The following PLCB1 variants were observed in gnomAD, a reference collection of about 807,000 sequenced individuals.
PLCB1 encodes the protein 1-phosphatidylinositol 4,5-bisphosphate phosphodiesterase beta-1.
A neutral mutation model predicts 161.8 loss-of-function variants in PLCB1; 46 were observed. That is an observed-to-expected ratio of 0.28 (90% confidence interval 0.22 to 0.36). The LOEUF is 0.36. PLCB1 is among the 10% of genes least tolerant of loss of function. The pLI is 1.00. For missense variants in PLCB1, 1,016 were observed against 1,472.5 expected (o/e 0.69, Z 5.07); for synonymous variants, 517 against 503.7 (o/e 1.03, Z -0.35).
chr20:8,756,563 T>C (rs1981746710), intron 23 of PLCB1, among the ~76,000 whole-genome samples: 1 of 152,182 alleles, frequency 6.6e-6, no homozygotes, highest in South Asian at 2.1e-4. Context: ...CCGGGTTCAC[T>C]CAAGTGTATG....
chr20:8,280,714 T>C (rs1484701915), intron 2 of PLCB1, among the ~76,000 whole-genome samples: 1 of 152,204 alleles, frequency 6.6e-6, no homozygotes. Context: ...TTTTTTGACA[T>C]AGGTTATTAA....
chr20:8,546,980 C>A (rs1253770788), intron 3 of PLCB1, among the ~76,000 whole-genome samples: 1 of 152,126 alleles, frequency 6.6e-6, no homozygotes, highest in African/African-American at 2.4e-5. Flanking sequence ...TTTATAATTG[C>A]GCCTCTTAAT....
intron 18 of PLCB1, 73 bp from the exon 19 acceptor site, chr20:8,733,165 T>C: frequency 6.7e-7 from 1 of 1,481,608 alleles, no homozygotes; most frequent in Non-Finnish European, 9.4e-7. Flanking sequence ...GGGATCAACT[T>C]TACTTTACAA....
chr20:8,263,717 G>A (rs189900338), intron 2 of PLCB1, among the ~76,000 whole-genome samples: 1 of 152,104 alleles, frequency 6.6e-6, no homozygotes, highest in South Asian at 2.1e-4. Flanking sequence ...AAGTATTCAT[G>A]TATCTAAATG....
intron 2 of PLCB1, among the ~76,000 whole-genome samples, chr20:8,171,183 A>G (rs2051729224): frequency 1.3e-5 from 2 of 152,188 alleles, no homozygotes. Context: ...AACAAGAAAG[A>G]GTATGCTACT....
chr20:8,653,725 G>A (rs540227310), intron 7 of PLCB1, among the ~76,000 whole-genome samples: 30 of 151,686 alleles, frequency 2.0e-4, no homozygotes, highest in Admixed American at 5.9e-4. Context: ...AATATATAAC[G>A]AAGAAAATGC....
intron 3 of PLCB1, among the ~76,000 whole-genome samples, chr20:8,508,941 A>G (rs1488268135): frequency 6.6e-6 from 1 of 152,198 alleles, no homozygotes; most frequent in Non-Finnish European, 1.5e-5. Flanking sequence ...AAACAATGAC[A>G]GCAAACACAA....
chr20:8,630,025 T>G (rs942801588), intron 4 of PLCB1, among the ~76,000 whole-genome samples: 1 of 147,418 alleles, frequency 6.8e-6, no homozygotes. Flanking sequence ...TCTTCTTTCC[T>G]TTCTTTCCTC....
At position 8,671,944 on chromosome 20, in the gene PLCB1, C is replaced by T. The variant is rs139902551; in HGVS notation, c.863-12988C>T. Among the ~76,000 whole-genome samples the T allele has an allele frequency of 5.9e-5, 9 of 152,320 alleles. No individual in the cohort carries two copies. The East Asian group carries it at 1.5e-3, about 26-fold the overall frequency. On this transcript the variant is annotated intron_variant, in intron 9 of 31. Coordinates refer to ENST00000338037, the MANE Select transcript of PLCB1 (RefSeq NM_015192.4). The stretch of plus-strand genomic sequence containing the variant: ...AACTGAAAATGGTAATTTAAAAGTA[C>T]GTCTCTCATAGGATTTCTATGCCTG...
At chr20:8,585,773 C>A (rs540564119) in intron 3 of PLCB1, among the ~76,000 whole-genome samples, 1 of 152,278 alleles carries the variant, frequency 6.6e-6, no homozygotes, top group South Asian at 2.1e-4. Context: ...CTGCTCCTTG[C>A]CAGCTCCAAG....
chr20:8,600,097 G>A (rs1269405766), intron 3 of PLCB1, among the ~76,000 whole-genome samples: 116 of 106,812 alleles, frequency 1.1e-3, no homozygotes, highest in African/African-American at 1.8e-3. Context: ...TCTTCTCTCA[G>A]CTCGTCAAAG....
At chr20:8,181,250 A>C (rs2051840837) in intron 2 of PLCB1, among the ~76,000 whole-genome samples, 4 of 63,942 alleles carry the variant, frequency 6.3e-5, no homozygotes, top group Non-Finnish European at 9.3e-5. Flanking sequence ...CTCTGTCTCA[A>C]AAAAAAAAAA....
rs114037483 is a variant in PLCB1 at position 8,407,722 on chromosome 20, T to C, written c.246+36272T>C. ...GGGACACAGCCAAACCAAATCACACTCCCTCAGCCGGTGATCAGGTCAACA... is the reference window on the plus strand; with the variant it reads ...GGGACACAGCCAAACCAAATCACACCCCCTCAGCCGGTGATCAGGTCAACA... On this transcript the variant is annotated intron_variant, in intron 3 of 31. Coordinates refer to ENST00000338037, the MANE Select transcript of PLCB1 (RefSeq NM_015192.4). Among the ~76,000 whole-genome samples the C allele has an allele frequency of 7.4e-3, 1,121 of 152,128 alleles. 13 individuals carry two copies. Among genetic ancestry groups the C allele is most frequent in the African/African-American group, 0.026 (1,072 of 41,452 alleles).
chr20:8,744,616 T>TAAATAAAATAAAGTAAAATTA (rs1981058150), intron 23 of PLCB1, among the ~76,000 whole-genome samples: 1 of 121,222 alleles, frequency 8.2e-6, no homozygotes, highest in Non-Finnish European at 1.7e-5. Context: ...AAAAATAAAA[T>TAAATAAAATAAAGTAAAATTA]AAATAAAATA....
At chr20:8,175,804 A>T (rs2051776954) in intron 2 of PLCB1, among the ~76,000 whole-genome samples, 1 of 152,046 alleles carries the variant, frequency 6.6e-6, no homozygotes, top group African/African-American at 2.4e-5. Context: ...CTTCAAATTC[A>T]CAGGAAAAAA....
intron 3 of PLCB1, among the ~76,000 whole-genome samples, chr20:8,616,712 T>C (rs1600194465): frequency 6.6e-6 from 1 of 152,322 alleles, no homozygotes; most frequent in East Asian, 1.9e-4. Context: ...CTGAGTCTTC[T>C]ACAAAAGAAT....
intron 11 of PLCB1, among the ~76,000 whole-genome samples, chr20:8,702,728 C>A (rs570153853): frequency 1.3e-5 from 2 of 152,226 alleles, no homozygotes; most frequent in Admixed American, 6.5e-5. Flanking sequence ...AGCAATGGAG[C>A]ATTACCGTAC....
At chr20:8,681,069 T>G (rs1488192965) in intron 9 of PLCB1, among the ~76,000 whole-genome samples, 1 of 98,122 alleles carries the variant, frequency 1.0e-5, no homozygotes, top group Admixed American at 1.2e-4. Flanking sequence ...TGTATATATG[T>G]GTGTATATGT....
rs558037226 is a variant in PLCB1, at chr20:8,859,389, C to T, written c.3424-22233C>T. ...AAAATGTGATGTGTATGTGGATTACCTGTGGATCTTGTTAATATGCAAATT... is the reference window on the plus strand; with the variant it reads ...AAAATGTGATGTGTATGTGGATTACTTGTGGATCTTGTTAATATGCAAATT... On this transcript the variant is annotated intron_variant, in intron 31 of 31. Coordinates refer to ENST00000338037, the MANE Select transcript of PLCB1 (RefSeq NM_015192.4). Among the ~76,000 whole-genome samples, 12 of 152,264 alleles carry T rather than the reference C, an allele frequency of 7.9e-5. No homozygotes were observed. The South Asian group carries it at 1.9e-3, about 24-fold the overall frequency.
Sources: allele counts gnomAD v4.1 joint callset (sites outside exome capture counted in the v4.1 genomes callset), GRCh38; gene constraint gnomAD v4.1.1; transcripts MANE v1.5; gene names NCBI Gene and HGNC (gene_info 2026-07-23, HGNC 2026-07-21).